Variants in PRKX observed in about 807,000 individuals in gnomAD.
The protein encoded by PRKX is protein kinase cAMP-dependent X-linked catalytic subunit.
Under a neutral mutation model 22.0 loss-of-function variants are expected in PRKX, and 12 were observed. The observed-to-expected ratio is 0.54, with a 90% CI of 0.35 to 0.88. The LOEUF (loss-of-function observed/expected upper bound fraction) is 0.88, where lower values mean the gene tolerates loss of function less well. Ranked by LOEUF, PRKX falls within the 40% of genes least tolerant of loss-of-function variation. The pLI, the probability that PRKX is intolerant of heterozygous loss-of-function variation, is 0.01. For synonymous variants in PRKX, 134 were observed against 137.7 expected (o/e 0.97, Z 0.19); for missense variants, 217 against 308.0 (o/e 0.70, Z 2.21).
intron 6 of PRKX, among the ~76,000 whole-genome samples, chrX:3,617,601 G>A (rs1926457388): frequency 1.8e-5 from 2 of 110,069 alleles, no homozygotes; most frequent in South Asian, 3.9e-4. Flanking sequence ...AGCTGTGATC[G>A]CACCACTGCA....
chrX:3,659,729 GT>G (rs200394116), intron 2 of PRKX, among the ~76,000 whole-genome samples: 1,487 of 32,662 alleles, frequency 0.046, 29 homozygotes, highest in African/African-American at 0.22. Context: ...TTTTTTTTTT[GT>G]TTTTTTTTTT....
intron 1 of PRKX, among the ~76,000 whole-genome samples, chrX:3,675,961 C>G (rs946376186): frequency 5.4e-5 from 6 of 111,019 alleles, no homozygotes; most frequent in African/African-American, 1.6e-4. Flanking sequence ...CTCAGGCTAG[C>G]CTTGAACTCC....
intron 4 of PRKX, among the ~76,000 whole-genome samples, chrX:3,638,820 G>A (rs184863626): frequency 6.8e-4 from 74 of 108,095 alleles, no homozygotes; most frequent in African/African-American, 2.5e-3. Flanking sequence ...AGGTAGGGAG[G>A]TAAACAGTTA....
At chrX:3,679,066 T>C (rs1928020479) in intron 1 of PRKX, among the ~76,000 whole-genome samples, 1 of 111,430 alleles carries the variant, frequency 9.0e-6, no homozygotes, top group Non-Finnish European at 1.9e-5. Context: ...GTTTATGTCT[T>C]TTCTTTTAAT....
intron 3 of PRKX, among the ~76,000 whole-genome samples, chrX:3,654,512 T>G (rs1194571206): frequency 9.8e-6 from 1 of 102,306 alleles, no homozygotes; most frequent in African/African-American, 3.6e-5. Flanking sequence ...TCTTGCTCTT[T>G]TACCCAGGCT....
intron 4 of PRKX, among the ~76,000 whole-genome samples, chrX:3,635,586 ATTTT>A (rs371440231): frequency 1.9e-5 from 2 of 104,536 alleles, no homozygotes; most frequent in Admixed American, 2.1e-4. Context: ...GCTTTAGCTG[ATTTT>A]TTTTTTTCTT....
intron 1 of PRKX, among the ~76,000 whole-genome samples, chrX:3,710,983 G>T (rs758174271): frequency 8.9e-6 from 1 of 111,772 alleles, no homozygotes; most frequent in African/African-American, 3.3e-5. Context: ...GTGGCTTAGA[G>T]ACACAATCGT....
intron 1 of PRKX, among the ~76,000 whole-genome samples, chrX:3,693,744 T>A (rs1313632870): frequency 9.2e-6 from 1 of 108,600 alleles, no homozygotes; most frequent in Non-Finnish European, 1.9e-5. Context: ...GAGACCATCC[T>A]GGCTAACGAG....
chrX:3,708,645 G>A (rs1478592113), intron 1 of PRKX, among the ~76,000 whole-genome samples: 5 of 110,106 alleles, frequency 4.5e-5, no homozygotes, highest in East Asian at 2.9e-4. Flanking sequence ...CGGGCGGATC[G>A]CCTGAGGTCA....
chrX:3,694,407 AT>A (rs1196449047), intron 1 of PRKX, among the ~76,000 whole-genome samples: 4 of 110,541 alleles, frequency 3.6e-5, no homozygotes, highest in African/African-American at 9.8e-5. Flanking sequence ...TAAAAAATAA[AT>A]AAATAAATAA....
At chrX:3,704,675 T>G (rs1322992283) in intron 1 of PRKX, among the ~76,000 whole-genome samples, 1 of 108,871 alleles carries the variant, frequency 9.2e-6, no homozygotes, top group Non-Finnish European at 1.9e-5. Flanking sequence ...AAAAAAGGAG[T>G]GAGATAATGC....
intron 1 of PRKX, among the ~76,000 whole-genome samples, chrX:3,694,182 T>C (rs745960259): frequency 1.9e-5 from 2 of 106,682 alleles, no homozygotes; most frequent in East Asian, 5.9e-4. Flanking sequence ...AGGACAGGAG[T>C]TCGAGACCAG....
chrX:3,663,469 A>ACACACACAC (rs1569054438), intron 2 of PRKX, among the ~76,000 whole-genome samples: 4,339 of 52,726 alleles, frequency 0.082, 264 homozygotes, highest in East Asian at 0.13. Flanking sequence ...CACACACACA[A>ACACACACAC]AAAAATTCAA....
At position 3,605,576 on chromosome X, in the gene PRKX, A is replaced by G. The variant is rs1197408938; in HGVS notation, c.*3393T>C. 8.9e-6 allele frequency: 1 copy of G among 111,898 alleles called. No homozygotes were observed. The highest frequency in any genetic ancestry group is 1.9e-5 in the Non-Finnish European group (1 of 53,277). The allele number at this position is 111,898 out of a possible 1,213,427, so 9.2% of individuals were successfully genotyped here. A position where few individuals can be genotyped will look rare whatever the true frequency, so the allele number is the denominator to read the frequency against. ...CACAGAAATGGCGAACACATCCCAA[A>G]CCACTCAACTGTTTAGTTCCACTGG... On this transcript the variant is annotated 3_prime_UTR_variant, in exon 9 of 9. Transcript: ENST00000262848.
chrX:3,613,023 T>C (rs1194317878), intron 7 of PRKX, among the ~76,000 whole-genome samples: 1 of 106,206 alleles, frequency 9.4e-6, no homozygotes, highest in Non-Finnish European at 1.9e-5. Context: ...TAGTGGTGGG[T>C]GCCTGTAATC....
At chrX:3,621,770 A>G (rs1926562846) in intron 5 of PRKX, among the ~76,000 whole-genome samples, 1 of 111,599 alleles carries the variant, frequency 9.0e-6, no homozygotes, top group Non-Finnish European at 1.9e-5. Flanking sequence ...AAGCACACAC[A>G]TTAGGATGAG....
At chrX:3,660,073 C>T (rs1465136944) in intron 2 of PRKX, among the ~76,000 whole-genome samples, 1 of 111,945 alleles carries the variant, frequency 8.9e-6, no homozygotes, top group African/African-American at 3.2e-5. Flanking sequence ...AGTAATATTT[C>T]GTGATTAAGC....
intron 1 of PRKX, among the ~76,000 whole-genome samples, chrX:3,706,211 G>A (rs1603474950): frequency 9.1e-6 from 1 of 110,416 alleles, no homozygotes; most frequent in East Asian, 2.9e-4. Context: ...TTGACATAGG[G>A]TCTTGCTCTG....
At chrX:3,642,151 T>C (rs1051706311) in intron 3 of PRKX, among the ~76,000 whole-genome samples, 180 bp from the exon 4 acceptor site, 3 of 111,179 alleles carry the variant, frequency 2.7e-5, no homozygotes, top group Non-Finnish European at 5.7e-5. Flanking sequence ...TTCCTTTCCA[T>C]AGAAACATTT....
Sources: allele counts gnomAD v4.1 joint callset (sites outside exome capture counted in the v4.1 genomes callset), GRCh38; gene constraint gnomAD v4.1.1; transcripts MANE v1.5; gene names NCBI Gene and HGNC (gene_info 2026-07-23, HGNC 2026-07-21).